Variants in ATP9A observed in about 807,000 individuals in gnomAD.
ATP9A encodes the protein probable phospholipid-transporting ATPase IIA.
Under a neutral mutation model 144.1 loss-of-function variants are expected in ATP9A, and 52 were observed. The observed-to-expected ratio is 0.36, with a 90% confidence interval of 0.29 to 0.45. The LOEUF (loss-of-function observed/expected upper bound fraction) is 0.45, where lower values mean the gene tolerates loss of function less well. ATP9A is among the 20% of genes least tolerant of loss of function. ATP9A has a pLI of 1.00. For missense variants in ATP9A, 947 were observed against 1,392.7 expected (o/e 0.68, Z 5.09); for synonymous variants, 582 against 557.4 (o/e 1.04, Z -0.62).
In ATP9A at chr20:51,601,217, T is replaced by C. The variant is rs777052456; in HGVS notation, c.3138A>G (p.Thr1046=). ...RFSPPSYSKL[T]S ...CCTCCAGCGAACGCACGGCCTATGA[T>C]GTGAGCTTTGAGTAGCTGGGGGGAG... The change falls in exon 28 of 28, where the codon ACA becomes ACG. Residue 1046 remains threonine, a synonymous_variant. Coordinates refer to ENST00000338821, the MANE Select transcript of ATP9A (RefSeq NM_006045.3). The C allele has an allele frequency of 6.2e-7, 1 of 1,612,218 alleles. No homozygotes were observed. The highest frequency in any genetic ancestry group is 8.5e-7 in the Non-Finnish European group (1 of 1,179,032).
intron 13 of ATP9A, among the ~76,000 whole-genome samples, chr20:51,662,382 T>C (rs1238398312): frequency 6.6e-6 from 1 of 151,808 alleles, no homozygotes; most frequent in African/African-American, 2.4e-5. Context: ...CAGTCTCTAC[T>C]AAAGATACAA....
chr20:51,651,293 TAATATATATTTACATAATATATTATATAA>T (rs2077364532), intron 14 of ATP9A, among the ~76,000 whole-genome samples: 10 of 134,062 alleles, frequency 7.5e-5, no homozygotes, highest in Admixed American at 3.9e-4. Context: ...ATATATTATA[TAATATATATTTACATAATATATTATATAA>T]TATATATTTA....
chr20:51,645,545 A>C (rs1186001010), intron 14 of ATP9A, among the ~76,000 whole-genome samples: 2 of 152,240 alleles, frequency 1.3e-5, no homozygotes, highest in East Asian at 1.9e-4. Flanking sequence ...ACAAACAAAA[A>C]AAAAACAAGA....
At chr20:51,767,143 G>A (rs1223409729) in intron 1 of ATP9A, among the ~76,000 whole-genome samples, 1 of 148,292 alleles carries the variant, frequency 6.7e-6, no homozygotes, top group Middle Eastern at 3.3e-3. Context: ...CACCCGCCGC[G>A]TCTCCTGTTC....
chr20:51,739,933 C>T (rs759683892), intron 1 of ATP9A, among the ~76,000 whole-genome samples: 1 of 152,220 alleles, frequency 6.6e-6, no homozygotes, highest in Admixed American at 6.5e-5. Context: ...ACAGCAGAGA[C>T]AAGAAGTTCC....
At chr20:51,725,488 G>A (rs2077708269) in intron 3 of ATP9A, among the ~76,000 whole-genome samples, 2 of 152,112 alleles carry the variant, frequency 1.3e-5, no homozygotes, top group African/African-American at 4.8e-5. Flanking sequence ...ATGAGGACAG[G>A]GGATTTGTCT....
chr20:51,608,964 T>C (rs567659878), intron 24 of ATP9A, among the ~76,000 whole-genome samples: 18 of 118,236 alleles, frequency 1.5e-4, no homozygotes, highest in African/African-American at 4.9e-4. Context: ...TAGGGGGTGA[T>C]GGTACAATTT....
intron 11 of ATP9A, among the ~76,000 whole-genome samples, chr20:51,673,910 C>A (rs916102513): frequency 6.6e-6 from 1 of 151,990 alleles, no homozygotes; most frequent in Non-Finnish European, 1.5e-5. Context: ...ATTAGCCAGG[C>A]ATGGTGGTGC....
chr20:51,739,200 T>C (rs986772555), intron 1 of ATP9A, among the ~76,000 whole-genome samples: 3 of 152,070 alleles, frequency 2.0e-5, no homozygotes, highest in African/African-American at 7.2e-5. Flanking sequence ...CCCGCCAACT[T>C]TCTTGCCATC....
At chr20:51,690,895 C>T (rs915684460) in intron 7 of ATP9A, 76 bp from the exon 8 acceptor site, 1 of 1,175,504 alleles carries the variant, frequency 8.5e-7, no homozygotes, top group African/African-American at 1.5e-5. Context: ...CACTATGTTT[C>T]CAAAGCAACT....
At chr20:51,697,126 A>AT (rs892999532) in intron 5 of ATP9A, among the ~76,000 whole-genome samples, 7 of 152,180 alleles carry the variant, frequency 4.6e-5, no homozygotes, top group African/African-American at 1.4e-4. Context: ...ACTTTATGAT[A>AT]TTTTTTATCC....
intron 27 of ATP9A, among the ~76,000 whole-genome samples, chr20:51,602,631 G>A (rs553270278): frequency 3.2e-4 from 48 of 152,350 alleles, no homozygotes; most frequent in Non-Finnish European, 5.0e-4. Context: ...AACTGGGGCT[G>A]CAACTGTGAA....
chr20:51,611,876 T>C lies in ATP9A; in HGVS notation c.2572-1711A>G, dbSNP rs868769182. On this transcript the variant is annotated intron_variant, in intron 23 of 27. Coordinates refer to ENST00000338821, the MANE Select transcript of ATP9A (RefSeq NM_006045.3). The surrounding 1 kb of genome is among the most constrained non-coding windows in gnomAD (Gnocchi z 4.2). ...CAGGCTCCCCTACTCACAATTGCAA[T>C]AGATATTTAAAACATAAAATCACCC... Among the ~76,000 whole-genome samples the C allele has an allele frequency of 6.6e-6, 1 of 152,212 alleles. No individual in the cohort carries two copies. The highest frequency in any genetic ancestry group is 1.5e-5 in the Non-Finnish European group (1 of 68,040).
intron 15 of ATP9A, among the ~76,000 whole-genome samples, chr20:51,632,277 T>C (rs2077272917): frequency 6.6e-6 from 1 of 152,152 alleles, no homozygotes; most frequent in South Asian, 2.1e-4. Context: ...AGGTGGAGTC[T>C]GGCAATGATG....
chr20:51,636,755 A>G (rs1256540302), intron 15 of ATP9A, among the ~76,000 whole-genome samples: 1 of 150,744 alleles, frequency 6.6e-6, no homozygotes, highest in Non-Finnish European at 1.5e-5. Flanking sequence ...CCTACCTCAC[A>G]TGGTTATGTA....
At chr20:51,615,220 CAAAG>C (rs949844089) in intron 22 of ATP9A, among the ~76,000 whole-genome samples, 1 of 151,928 alleles carries the variant, frequency 6.6e-6, no homozygotes, top group African/African-American at 2.4e-5. Context: ...TCTACTGATT[CAAAG>C]AAAGAAAGAT....
chr20:51,738,013 ACT>A (rs1346800938), intron 1 of ATP9A, among the ~76,000 whole-genome samples: 2 of 151,100 alleles, frequency 1.3e-5, no homozygotes, highest in East Asian at 3.9e-4. Context: ...ACATAGCAAG[ACT>A]CAGCCTCTAA....
chr20:51,701,066 C>T (rs2077591484), intron 4 of ATP9A, among the ~76,000 whole-genome samples: 1 of 152,096 alleles, frequency 6.6e-6, no homozygotes, highest in South Asian at 2.1e-4. Context: ...CCTGAGCTTG[C>T]CCCAACTTTC....
chr20:51,675,183 C>G lies in ATP9A; in HGVS notation c.877-870G>C, dbSNP rs560466010. On this transcript the variant is annotated intron_variant, in intron 10 of 27. Transcript: ENST00000338821. The stretch of plus-strand genomic sequence containing the variant: ...TCTTTTAAAAAGTAACAAATCATAT[C>G]CATAACTTCATAGAAACATGCCCCA... Among the ~76,000 whole-genome samples, 9 of 152,218 alleles carry G rather than the reference C, an allele frequency of 5.9e-5. No individual in the cohort carries two copies. The South Asian group carries it at 1.9e-3, about 32-fold the overall frequency.
Sources: allele counts gnomAD v4.1 joint callset (sites outside exome capture counted in the v4.1 genomes callset), GRCh38; gene constraint gnomAD v4.1.1; non-coding constraint Gnocchi (gnomAD v3.1); transcripts MANE v1.5; gene names NCBI Gene and HGNC (gene_info 2026-07-23, HGNC 2026-07-21).